The following ABCD3 variants were observed in gnomAD, a reference collection of about 807,000 sequenced individuals.
ABCD3 encodes the protein ATP binding cassette subfamily D member 3, also known as ATP-binding cassette sub-family D member 3.
A neutral mutation model predicts 105.5 loss-of-function variants in ABCD3; 41 were observed. The observed-to-expected ratio is 0.39, with a 90% CI of 0.30 to 0.50. The LOEUF (loss-of-function observed/expected upper bound fraction) is 0.50, where lower values mean the gene tolerates loss of function less well. Ranked by LOEUF, ABCD3 falls within the 20% of genes least tolerant of loss-of-function variation. The probability of loss-of-function intolerance (pLI) is 0.84; values close to 1 mark genes in which losing one functional copy is unlikely to be tolerated. For synonymous variants in ABCD3, 258 were observed against 269.0 expected, an observed-to-expected ratio of 0.96 and a Z score of 0.40; for missense variants, 622 against 806.3, an observed-to-expected ratio of 0.77 and a Z score of 2.77.
chr1:94,394,275 G>C, the ABCD3 span, among the ~76,000 whole-genome samples: 1 of 152,126 alleles, frequency 6.6e-6, no homozygotes, highest in Non-Finnish European at 1.5e-5. Flanking sequence ...CTGTGAGACA[G>C]TAATATTATC....
At chr1:94,491,983 CT>C (rs773448106) in intron 16 of ABCD3, among the ~76,000 whole-genome samples, 1 of 152,256 alleles carries the variant, frequency 6.6e-6, no homozygotes, top group East Asian at 1.9e-4. Flanking sequence ...TAGAACAACA[CT>C]TTCCCGTAGA....
chr1:94,489,578 T>C (rs1570810177), intron 13 of ABCD3, 147 bp from the exon 14 acceptor site: 4 of 392,176 alleles, frequency 1.0e-5, no homozygotes, highest in Non-Finnish European at 1.7e-5. Flanking sequence ...AAAGCACACA[T>C]GTTATCATTA....
chr1:94,409,712 C>T, the ABCD3 span, among the ~76,000 whole-genome samples: 1 of 152,136 alleles, frequency 6.6e-6, no homozygotes, highest in Non-Finnish European at 1.5e-5. Context: ...CAGATTTTAG[C>T]AATTTTCCAC....
Position 94,467,986 on chromosome 1 carries a change from A to G in ABCD3, c.314A>G (p.Gln105Arg). The part of the protein sequence containing the change: ...SRTYCDVWMI[Q>R]NGTLIESGII... ...ACATATTGTGATGTTTGGATGATTC[A>G]AAATGGGACACTAATTGAAAGGTAC... The change falls in exon 4 of 23, where the codon CAA becomes CGA. Residue 105 changes from glutamine to arginine, a missense_variant. Around this residue, in one of 4 missense-constraint regions of ABCD3, gnomAD observed 245 missense variants for 356.4 expected, o/e 0.69. Transcript: ENST00000370214. 6.2e-7 allele frequency: 1 copy of G among 1,613,094 alleles called. No homozygotes were observed. The highest frequency in any genetic ancestry group is 8.5e-7 in the Non-Finnish European group (1 of 1,179,212).
chr1:94,480,736 T>A, intron 9 of ABCD3, 130 bp downstream of exon 9: 1 of 986,458 alleles, frequency 1.0e-6, no homozygotes, highest in Non-Finnish European at 1.5e-6. Flanking sequence ...AAAATATACA[T>A]TATGAAAGAG....
In ABCD3 at chr1:94,489,835, G is replaced by A. The variant is rs750195963; in HGVS notation, c.1249+19G>A. ...GAAAAGGGTAAATATGAGTGTCACA[G>A]TTTAAGGTCACAATTTTAAGTGTTT... On this transcript the variant is annotated intron_variant, in intron 14 of 22. Transcript: ENST00000370214. The A allele has an allele frequency of 6.2e-7, 1 of 1,611,898 alleles. No individual in the cohort carries two copies. Among genetic ancestry groups the A allele is most frequent in the Non-Finnish European group, 8.5e-7 (1 of 1,178,282 alleles).
chr1:94,511,583 G>A (rs1650675024), intron 21 of ABCD3, among the ~76,000 whole-genome samples: 2 of 152,152 alleles, frequency 1.3e-5, no homozygotes, highest in South Asian at 4.1e-4. Context: ...ATCCTGCAGA[G>A]TGTTTTCCAA....
chr1:94,458,004 C>T (rs553729548), intron 1 of ABCD3, among the ~76,000 whole-genome samples: 6 of 152,176 alleles, frequency 3.9e-5, no homozygotes, highest in African/African-American at 1.4e-4. Context: ...CATGGTAGTG[C>T]GTTATGGAAA....
the ABCD3 span, among the ~76,000 whole-genome samples, chr1:94,390,980 C>T: frequency 6.6e-6 from 1 of 152,200 alleles, no homozygotes; most frequent in Non-Finnish European, 1.5e-5. Flanking sequence ...CCACGTTCCT[C>T]ATATACAACA....
chr1:94,456,534 T>G (rs1342004874), intron 1 of ABCD3, among the ~76,000 whole-genome samples: 1 of 151,856 alleles, frequency 6.6e-6, no homozygotes, highest in Non-Finnish European at 1.5e-5. Flanking sequence ...CGCCTCGGGC[T>G]TCCAAAGTGC....
chr1:94,418,454 C>T lies in ABCD3; in HGVS notation c.-25C>T, dbSNP rs376236351. 644 of 1,576,688 alleles carry T rather than the reference C, an allele frequency of 4.1e-4. 1 individual carries two copies. The highest frequency in any genetic ancestry group is 5.1e-4 in the Non-Finnish European group (597 of 1,165,948). ...CCGCCGCCGCCGCCGCGTCCCCTCG[C>T]CGGCTCGCTGGTACCGGCAGTGCCA... On this transcript the variant is annotated 5_prime_UTR_variant, in exon 1 of 23. Coordinates refer to ENST00000370214, the MANE Select transcript of ABCD3 (RefSeq NM_002858.4).
At chr1:94,403,094 A>G in the ABCD3 span, among the ~76,000 whole-genome samples, 1 of 151,668 alleles carries the variant, frequency 6.6e-6, no homozygotes, top group Non-Finnish European at 1.5e-5. Context: ...GAGAATGATG[A>G]TTTCCAATTT....
the ABCD3 span, among the ~76,000 whole-genome samples, chr1:94,411,689 TAC>T: frequency 2.0e-5 from 3 of 152,200 alleles, no homozygotes; most frequent in Admixed American, 2.0e-4. Flanking sequence ...CCAATACATG[TAC>T]ATTCACGTTC....
the ABCD3 span, among the ~76,000 whole-genome samples, chr1:94,413,079 TTTA>T: frequency 1.3e-5 from 2 of 152,116 alleles, no homozygotes; most frequent in African/African-American, 4.8e-5. Flanking sequence ...GTGAAATTTA[TTTA>T]TTTATTTTTT....
rs148031725 is a variant in ABCD3, at chr1:94,424,403, A to G, written c.110+5815A>G. ...AGACATCCTTTTAGTGAGACCTTCTATTGCCATTCGATTTATTTTTATTTA... is the reference window on the plus strand; with the variant it reads ...AGACATCCTTTTAGTGAGACCTTCTGTTGCCATTCGATTTATTTTTATTTA... On this transcript the variant is annotated intron_variant, in intron 1 of 22. Transcript: ENST00000370214. Among the ~76,000 whole-genome samples, 9 of 152,014 alleles carry G rather than the reference A, an allele frequency of 5.9e-5. 1 individual carries two copies. In the East Asian group the frequency reaches 1.7e-3, roughly 29 times the overall value.
chr1:94,400,374 A>T, the ABCD3 span, among the ~76,000 whole-genome samples: 1 of 151,876 alleles, frequency 6.6e-6, no homozygotes, highest in Non-Finnish European at 1.5e-5. Context: ...ACTGCACTCC[A>T]ACCTGGGCAA....
At chr1:94,397,368 G>A in the ABCD3 span, among the ~76,000 whole-genome samples, 27 of 152,258 alleles carry the variant, frequency 1.8e-4, no homozygotes, top group African/African-American at 2.9e-4. Context: ...GCACTCAGCC[G>A]CTGTGACTCC....
intron 10 of ABCD3, among the ~76,000 whole-genome samples, chr1:94,484,390 A>G (rs1649179051): frequency 6.6e-6 from 1 of 152,230 alleles, no homozygotes; most frequent in African/African-American, 2.4e-5. Context: ...ACCAACCCGA[A>G]TGTCCATCAG....
chr1:94,467,978 G>C lies in ABCD3; in HGVS notation c.306G>C (p.Trp102Cys). The change falls in exon 4 of 23, where the codon TGG becomes TGC. Residue 102 changes from tryptophan (W) to cysteine (C), a missense_variant. Physicochemically the swap from Trp to Cys is radical, Grantham distance 215. Around this residue, in one of 4 missense-constraint regions of ABCD3, gnomAD observed 245 missense variants for 356.4 expected, o/e 0.69. Coordinates refer to ENST00000370214, the MANE Select transcript of ABCD3 (RefSeq NM_002858.4). ...TGTCTCGAACATATTGTGATGTTTG[G>C]ATGATTCAAAATGGGACACTAATTG... ...MLVSRTYCDV[W>C]MIQNGTLIES... 6.2e-7 allele frequency: 1 copy of C among 1,613,362 alleles called. No individual in the cohort carries two copies. Among genetic ancestry groups the C allele is most frequent in the Non-Finnish European group, 8.5e-7 (1 of 1,179,594 alleles).
Sources: allele counts gnomAD v4.1 joint callset (sites outside exome capture counted in the v4.1 genomes callset), GRCh38; gene constraint gnomAD v4.1.1; regional missense constraint gnomAD v4.1.1; transcripts MANE v1.5; gene names NCBI Gene and HGNC (gene_info 2026-07-23, HGNC 2026-07-21).